Variants in FSTL5 observed in about 807,000 individuals in gnomAD.
FSTL5 encodes the protein follistatin-related protein 5.
FSTL5 carries 62 observed loss-of-function variants against 89.1 expected under a neutral mutation model. The observed-to-expected ratio is 0.70, with a 90% CI of 0.57 to 0.86. FSTL5 has a LOEUF of 0.86. Among genes scored for constraint, FSTL5 ranks in the 40% least tolerant of loss-of-function variants. FSTL5 has a pLI of 0.00. For missense variants in FSTL5, 1,057 were observed against 1,001.6 expected (o/e 1.06, Z -0.75); for synonymous variants, 383 against 346.2 (o/e 1.11, Z -1.18).
chr4:161,628,065 C>T (rs1735374386), intron 7 of FSTL5, among the ~76,000 whole-genome samples: 1 of 152,096 alleles, frequency 6.6e-6, no homozygotes, highest in Non-Finnish European at 1.5e-5. Context: ...CTCTTGCTTT[C>T]CTTTTGGTTA....
intron 1 of FSTL5, among the ~76,000 whole-genome samples, chr4:162,143,756 A>C (rs1327179812): frequency 1.4e-5 from 2 of 140,334 alleles, no homozygotes; most frequent in Non-Finnish European, 3.2e-5. Context: ...ACACCCAGGA[A>C]AAAAGGTTAC....
At position 161,719,504 on chromosome 4, in the gene FSTL5, A is replaced by G. The variant is rs116571367; in HGVS notation, c.727+39907T>C. The stretch of plus-strand genomic sequence containing the variant: ...GGAAATTTTTAGAATAGTGTTTTCT[A>G]TTTCTGTAAAAAATGCCATTAGAAT... On this transcript the variant is annotated intron_variant, in intron 6 of 15. Transcript: ENST00000306100. Among the ~76,000 whole-genome samples the G allele has an allele frequency of 3.1e-3, 472 of 152,238 alleles. 2 individuals are homozygous for G. The highest frequency in any genetic ancestry group is 0.011 in the African/African-American group (451 of 41,554).
intron 6 of FSTL5, among the ~76,000 whole-genome samples, chr4:161,677,897 T>G (rs1430391927): frequency 1.3e-5 from 2 of 151,904 alleles, no homozygotes; most frequent in Non-Finnish European, 1.5e-5. Context: ...ATCTATTAGC[T>G]TCATTTTGCC....
At chr4:161,743,017 T>C (rs1740081066) in intron 6 of FSTL5, among the ~76,000 whole-genome samples, 3 of 152,194 alleles carry the variant, frequency 2.0e-5, no homozygotes, top group South Asian at 2.1e-4. Flanking sequence ...TGGGTGGTCT[T>C]TTCACTCTGT....
chr4:161,513,043 A>T (rs1309614407), intron 10 of FSTL5, among the ~76,000 whole-genome samples: 1 of 152,142 alleles, frequency 6.6e-6, no homozygotes, highest in Non-Finnish European at 1.5e-5. Flanking sequence ...TGTTCCAATA[A>T]GCAGAGATTG....
chr4:162,074,959 C>G (rs768957591), intron 2 of FSTL5, among the ~76,000 whole-genome samples: 1 of 151,598 alleles, frequency 6.6e-6, no homozygotes, highest in Admixed American at 6.6e-5. Context: ...AATAAAGTGT[C>G]GAATAGCTCA....
At chr4:161,850,802 A>C (rs922844196) in intron 4 of FSTL5, among the ~76,000 whole-genome samples, 37 of 152,236 alleles carry the variant, frequency 2.4e-4, no homozygotes, top group Non-Finnish European at 5.9e-5. Flanking sequence ...GATAAAGAAA[A>C]TGTGGTACAT....
In FSTL5 at chr4:161,549,142, G is replaced by A. The variant is rs553032737; in HGVS notation, c.1016-6449C>T. On this transcript the variant is annotated intron_variant, in intron 8 of 15. Coordinates refer to ENST00000306100, the MANE Select transcript of FSTL5 (RefSeq NM_020116.5). The stretch of plus-strand genomic sequence containing the variant: ...GCTAATGAAAATATGTTTATTTGTC[G>A]TCATTTAGACATTTTGATTGAGACA... Among the ~76,000 whole-genome samples the A allele has an allele frequency of 2.8e-4, 42 of 151,652 alleles. 2 individuals carry two copies. Among genetic ancestry groups the A allele is most frequent in the East Asian group, 3.9e-4 (2 of 5,114 alleles).
rs1473040711 is a variant in FSTL5, at chr4:161,513,356, G to A, written c.1313-2932C>T. ...GAGGAGAAAGAGGGCCTTTTGATGG[G>A]TGGAGGGGAGTAGGGAGAGGATCAG... On this transcript the variant is annotated intron_variant, in intron 10 of 15. Transcript: ENST00000306100. Among the ~76,000 whole-genome samples the A allele has an allele frequency of 6.0e-5, 9 of 149,810 alleles. No homozygotes were observed. In the South Asian group the frequency reaches 8.5e-4, roughly 14 times the overall value.
intron 2 of FSTL5, among the ~76,000 whole-genome samples, chr4:162,038,498 A>T (rs1737825158): frequency 6.6e-6 from 1 of 151,910 alleles, no homozygotes; most frequent in Non-Finnish European, 1.5e-5. Flanking sequence ...AATTCAGTCA[A>T]ATTGGGATAC....
At chr4:161,431,088 G>A (rs1459197941) in intron 15 of FSTL5, among the ~76,000 whole-genome samples, 2 of 152,138 alleles carry the variant, frequency 1.3e-5, no homozygotes, top group East Asian at 3.9e-4. Context: ...ATGAAAGGAT[G>A]TTAATAAGAA....
At chr4:161,533,090 A>G (rs1731477585) in intron 10 of FSTL5, among the ~76,000 whole-genome samples, 1 of 151,996 alleles carries the variant, frequency 6.6e-6, no homozygotes, top group Non-Finnish European at 1.5e-5. Flanking sequence ...TTAAGAGAAA[A>G]GTTCATAGTG....
At chr4:161,412,886 T>G (rs372847891) in intron 15 of FSTL5, among the ~76,000 whole-genome samples, 1 of 152,128 alleles carries the variant, frequency 6.6e-6, no homozygotes, top group African/African-American at 2.4e-5. Context: ...TGAAGCTGGA[T>G]CCCTAACTTT....
At chr4:161,718,785 C>CTA (rs919835950) in intron 6 of FSTL5, among the ~76,000 whole-genome samples, 10 of 152,276 alleles carry the variant, frequency 6.6e-5, no homozygotes, top group East Asian at 1.9e-4. Context: ...GTTTTACTCT[C>CTA]TATATATATA....
intron 15 of FSTL5, among the ~76,000 whole-genome samples, chr4:161,440,148 T>C (rs1056171105): frequency 3.9e-5 from 6 of 152,092 alleles, no homozygotes; most frequent in Non-Finnish European, 7.4e-5. Context: ...GAAAAAAGAA[T>C]AACCTTAATC....
chr4:161,552,668 A>G (rs997680094), intron 8 of FSTL5: 10 of 151,878 alleles, frequency 6.6e-5, no homozygotes, highest in Admixed American at 6.6e-4. Flanking sequence ...TGAAAAAATA[A>G]TACTTTCATG....
chr4:161,405,170 T>C (rs1349952902), intron 15 of FSTL5, among the ~76,000 whole-genome samples: 1 of 151,786 alleles, frequency 6.6e-6, no homozygotes, highest in Non-Finnish European at 1.5e-5. Context: ...GAGGCAGAAG[T>C]TGCAGTGAGC....
intron 6 of FSTL5, among the ~76,000 whole-genome samples, chr4:161,695,995 G>T (rs1357075892): frequency 6.6e-6 from 1 of 152,044 alleles, no homozygotes; most frequent in Non-Finnish European, 1.5e-5. Flanking sequence ...TTGTTTTATT[G>T]CATTTGCTTT....
intron 6 of FSTL5, among the ~76,000 whole-genome samples, chr4:161,730,720 C>T (rs371001691): frequency 6.6e-6 from 1 of 152,124 alleles, no homozygotes; most frequent in African/African-American, 2.4e-5. Context: ...GCAGGGTCTA[C>T]AGACCATATA....
Sources: gnomAD v4.1 joint callset for allele counts (sites outside exome capture counted in the v4.1 genomes callset) on GRCh38, gnomAD v4.1.1 for gene constraint, MANE v1.5 for transcripts, NCBI Gene and HGNC (gene_info 2026-07-23, HGNC 2026-07-21) for gene names.